Variants in NXPE2 observed in about 807,000 individuals in gnomAD.
The protein encoded by NXPE2 is neurexophilin and PC-esterase domain family member 2.
Under a neutral mutation model 34.4 loss-of-function variants are expected in NXPE2, and 34 were observed. The observed-to-expected ratio is 0.99, with a 90% confidence interval of 0.75 to 1.31. The LOEUF is 1.31. Ranked by LOEUF, NXPE2 falls within the 40% of genes most tolerant of loss-of-function variation. The probability of loss-of-function intolerance (pLI) is 0.00; values close to 1 mark genes in which losing one functional copy is unlikely to be tolerated. For missense variants in NXPE2, 649 were observed against 672.5 expected (o/e 0.97, Z 0.39); for synonymous variants, 235 against 231.3 (o/e 1.02, Z -0.15).
chr11:114,733,888 A>G, the NXPE2 span, among the ~76,000 whole-genome samples: 1 of 152,282 alleles, frequency 6.6e-6, no homozygotes, highest in South Asian at 2.1e-4. Context: ...CTGTTAACCC[A>G]GTCCCATGTG....
At chr11:114,679,811 A>C (rs1950918684) in intron 2 of NXPE2, 49 bp downstream of exon 2, 1 of 1,067,542 alleles carries the variant, frequency 9.4e-7, no homozygotes, top group African/African-American at 1.6e-5. Context: ...CGGTGACTTC[A>C]TTTGAATGAC....
At chr11:114,701,244 A>G (rs1951359214) in intron 3 of NXPE2, among the ~76,000 whole-genome samples, 1 of 152,034 alleles carries the variant, frequency 6.6e-6, no homozygotes, top group Non-Finnish European at 1.5e-5. Flanking sequence ...AAGATTCTAT[A>G]CTCTATATGT....
At chr11:114,760,812 C>T in the NXPE2 span, among the ~76,000 whole-genome samples, 1 of 152,244 alleles carries the variant, frequency 6.6e-6, no homozygotes, top group South Asian at 2.1e-4. Context: ...AATTTCAACC[C>T]CCCAAACACA....
chr11:114,554,252 A>G, the NXPE2 span: 1 of 976,516 alleles, frequency 1.0e-6, no homozygotes, highest in Non-Finnish European at 1.2e-6. Context: ...CCTCTATTGT[A>G]TTTGACTGTG....
chr11:114,642,060 G>C, the NXPE2 span, among the ~76,000 whole-genome samples: 1 of 151,996 alleles, frequency 6.6e-6, no homozygotes, highest in Non-Finnish European at 1.5e-5. Flanking sequence ...AAAGAATACA[G>C]CATGGAAAAG....
the NXPE2 span, among the ~76,000 whole-genome samples, chr11:114,566,237 G>A: frequency 6.6e-6 from 1 of 151,572 alleles, no homozygotes. Flanking sequence ...TTAAGCCAGG[G>A]AGTGGGTATC....
At chr11:114,487,369 C>T in the NXPE2 span, among the ~76,000 whole-genome samples, 1 of 152,006 alleles carries the variant, frequency 6.6e-6, no homozygotes, top group Non-Finnish European at 1.5e-5. Context: ...ACTGAATTTT[C>T]GTATCAGTTC....
chr11:114,466,666 A>G, the NXPE2 span, among the ~76,000 whole-genome samples: 1 of 152,184 alleles, frequency 6.6e-6, no homozygotes, highest in East Asian at 1.9e-4. Flanking sequence ...ATTAATTTGT[A>G]AAACCAGTTT....
chr11:114,674,090 AAAACAAACAAACAAAC>A (rs72440964), upstream of NXPE2, among the ~76,000 whole-genome samples: 3 of 131,778 alleles, frequency 2.3e-5, no homozygotes, highest in South Asian at 2.4e-4. Flanking sequence ...ACATTGTTTA[AAAACAAACAAACAAAC>A]AAACAAACAA....
At chr11:114,610,655 C>G in the NXPE2 span, among the ~76,000 whole-genome samples, 3 of 151,864 alleles carry the variant, frequency 2.0e-5, no homozygotes, top group Non-Finnish European at 4.4e-5. Flanking sequence ...CCACTGTTAA[C>G]CGGTGGATAA....
the NXPE2 span, among the ~76,000 whole-genome samples, chr11:114,746,766 G>A: frequency 2.0e-5 from 3 of 151,758 alleles, no homozygotes; most frequent in Admixed American, 1.3e-4. Context: ...CAGGAGAATC[G>A]CTTGAACCCG....
chr11:114,632,008 C>A, the NXPE2 span, among the ~76,000 whole-genome samples: 5 of 146,422 alleles, frequency 3.4e-5, no homozygotes, highest in Non-Finnish European at 7.5e-5. Context: ...GCTACTATTA[C>A]CTAATAGATA....
chr11:114,674,126 C>CAAACAAACA (rs59039274), upstream of NXPE2, among the ~76,000 whole-genome samples: 539 of 81,004 alleles, frequency 6.7e-3, 4 homozygotes, highest in East Asian at 0.035. Flanking sequence ...AACAAACAAA[C>CAAACAAACA]AAGTGAACAA....
At chr11:114,786,775 G>A in the NXPE2 span, among the ~76,000 whole-genome samples, 2 of 151,900 alleles carry the variant, frequency 1.3e-5, no homozygotes, top group Non-Finnish European at 2.9e-5. Flanking sequence ...CTCACATCCA[G>A]CTGCCCCACA....
chr11:114,690,801 T>C (rs922239573), intron 2 of NXPE2, among the ~76,000 whole-genome samples: 5 of 152,106 alleles, frequency 3.3e-5, no homozygotes, highest in African/African-American at 1.2e-4. Context: ...TATTTTTATT[T>C]TTGTCTGAGT....
At chr11:114,602,225 GATTATAT>G in the NXPE2 span, among the ~76,000 whole-genome samples, 1 of 102,966 alleles carries the variant, frequency 9.7e-6, no homozygotes, top group South Asian at 2.9e-4. Flanking sequence ...ATATGTTATA[GATTATAT>G]ATTATACTAT....
At chr11:114,494,079 C>T in the NXPE2 span, among the ~76,000 whole-genome samples, 3 of 152,130 alleles carry the variant, frequency 2.0e-5, no homozygotes, top group Non-Finnish European at 2.9e-5. Flanking sequence ...CATATTAGAG[C>T]TCCATAATAT....
At chr11:114,722,789 C>T in the NXPE2 span, among the ~76,000 whole-genome samples, 5 of 152,148 alleles carry the variant, frequency 3.3e-5, no homozygotes, top group African/African-American at 1.2e-4. Context: ...GAAGGCAGTA[C>T]CTCCTATAAA....
chr11:114,771,780 C>G, the NXPE2 span, among the ~76,000 whole-genome samples: 1 of 152,258 alleles, frequency 6.6e-6, no homozygotes, highest in Non-Finnish European at 1.5e-5. Context: ...GTGGCCTTAG[C>G]CATGGCAACG....
Sources: allele counts gnomAD v4.1 joint callset (sites outside exome capture counted in the v4.1 genomes callset), GRCh38; gene constraint gnomAD v4.1.1; transcripts MANE v1.5; gene names NCBI Gene and HGNC (gene_info 2026-07-23, HGNC 2026-07-21).